Variants in ASXL3 observed in about 807,000 individuals in gnomAD.
The protein encoded by ASXL3 is putative Polycomb group protein ASXL3.
ASXL3 carries 34 observed loss-of-function variants against 170.6 expected under a neutral mutation model. The observed-to-expected ratio is 0.20, with a 90% CI of 0.15 to 0.27. The LOEUF is 0.27. ASXL3 is among the 10% of genes least tolerant of loss of function. The probability of loss-of-function intolerance (pLI) is 1.00; values close to 1 mark genes in which losing one functional copy is unlikely to be tolerated. For missense variants in ASXL3, 2,592 were observed against 2,695.3 expected (o/e 0.96, Z 0.85); for synonymous variants, 1,002 against 989.1 (o/e 1.01, Z -0.24).
At chr18:33,590,111 G>GTTTTTTTTTTTGTTTT (rs2065064686) in intron 1 of ASXL3, among the ~76,000 whole-genome samples, 2 of 83,182 alleles carry the variant, frequency 2.4e-5, no homozygotes, top group Admixed American at 1.2e-4. Flanking sequence ...TGCTTTCTAT[G>GTTTTTTTTTTTGTTTT]TTTTTTTTTT....
chr18:33,670,653 C>T lies in ASXL3; in HGVS notation c.478-20C>T, dbSNP rs747689671. The T allele has an allele frequency of 6.7e-7, 1 of 1,486,130 alleles. No homozygotes were observed. The highest frequency in any genetic ancestry group is 9.1e-7 in the Non-Finnish European group (1 of 1,101,608). The allele number at this position is 1,486,130 out of a possible 1,614,324, so 92.1% of individuals were successfully genotyped here. On this transcript the variant is annotated intron_variant, in intron 5 of 11. Coordinates refer to ENST00000269197, the MANE Select transcript of ASXL3 (RefSeq NM_030632.3). ...TTTTGGCTATATTTTTATGTTATAT[C>T]TTTTTATTATGTTTTGTAGGCTTTG... is the stretch of plus-strand genomic sequence containing the variant.
rs1178201910 is a variant in ASXL3 at position 33,745,558 on chromosome 18, T to C, written c.5710T>C (p.Cys1904Arg). 1 of 1,613,968 alleles carries C rather than the reference T, an allele frequency of 6.2e-7. No homozygotes were observed. The highest frequency in any genetic ancestry group is 8.5e-7 in the Non-Finnish European group (1 of 1,179,884). The change falls in exon 12 of 12, where the codon TGT becomes CGT. Residue 1904 changes from cysteine (C) to arginine (R), a missense_variant. This residue lies in a region of ASXL3 where 2,246 missense variants were observed against 2,219.6 expected (regional missense o/e 1.01). Coordinates refer to ENST00000269197, the MANE Select transcript of ASXL3 (RefSeq NM_030632.3). Reference protein sequence around the residue: ...VKQQKRLLPSCSFQQNLFHVD... With the variant: ...VKQQKRLLPSRSFQQNLFHVD... ...ACAGCAAAAGCGGCTGCTCCCCTCG[T>C]GTAGCTTCCAGCAGAACCTATTTCA...
chr18:33,714,605 A>G (rs2067133596), intron 8 of ASXL3, among the ~76,000 whole-genome samples: 1 of 152,154 alleles, frequency 6.6e-6, no homozygotes, highest in African/African-American at 2.4e-5. Flanking sequence ...CGTATTTCCC[A>G]TAAGAAGCAA....
At chr18:33,656,654 T>A (rs929432441) in intron 4 of ASXL3, among the ~76,000 whole-genome samples, 6 of 152,050 alleles carry the variant, frequency 3.9e-5, no homozygotes, top group Non-Finnish European at 5.9e-5. Context: ...AATAAGACAA[T>A]GAGTAAAGAT....
rs1555717840 is a variant in ASXL3, at chr18:33,601,785, G to GTATATATATATATA, written c.55-5799_55-5798insTATATATATATATA. On this transcript the variant is annotated intron_variant, in intron 1 of 11. Coordinates refer to ENST00000269197, the MANE Select transcript of ASXL3 (RefSeq NM_030632.3). Reference sequence around the variant, plus strand: ...TGAGAATTTAAGTAAATATCTGATTGTATATATATAGTTTGTTTGTTTTGA... The same window carrying GTATATATATATATA: ...TGAGAATTTAAGTAAATATCTGATTGTATATATATATATATATATATATAGTTTGTTTGTTTTGA... Among the ~76,000 whole-genome samples the GTATATATATATATA allele has an allele frequency of 5.2e-4, 54 of 103,948 alleles. 5 individuals carry two copies. Among genetic ancestry groups the GTATATATATATATA allele is most frequent in the African/African-American group, 1.5e-3 (43 of 28,860 alleles). 68.2% of individuals were successfully genotyped at this position (103,948 alleles called of 152,430 possible). A position where few individuals can be genotyped will look rare whatever the true frequency, so the allele number is the denominator to read the frequency against.
Position 33,670,869 on chromosome 18 carries a change from T to C in ASXL3, c.595+79T>C. On this transcript the variant is annotated intron_variant, in intron 6 of 11. Transcript: ENST00000269197. ...CTCACTGAAAGAGATGTCATGATTT[T>C]TTTTCTGAAACTGAATAATACTTCC... 9.4e-6 allele frequency: 9 copies of C among 953,218 alleles called. No individual in the cohort carries two copies. In the South Asian group the frequency reaches 2.0e-4, roughly 21 times the overall value. 59.0% of individuals were successfully genotyped at this position (953,218 alleles called of 1,614,324 possible).
intron 2 of ASXL3, among the ~76,000 whole-genome samples, chr18:33,619,663 A>G (rs1199431694): frequency 6.6e-6 from 1 of 152,114 alleles, no homozygotes; most frequent in Admixed American, 6.6e-5. Flanking sequence ...GGAGAACTAA[A>G]GACTTCATGA....
rs1235057787 is a variant in ASXL3 at position 33,746,273 on chromosome 18, T to C, written c.6425T>C (p.Met2142Thr). The change falls in exon 12 of 12, where the codon ATG becomes ACG. Residue 2142 changes from methionine to threonine, a missense_variant. Transcript: ENST00000269197. ...TTTACCCAATTAGCTGCTCAGAAAA[T>C]GCAGGTGCAGCAACAACAGCAGCTC... The part of the protein sequence containing the change: ...KPFTQLAAQK[M>T]QVQQQQQLCG... The C allele has an allele frequency of 1.9e-6, 3 of 1,613,900 alleles. No homozygotes were observed. The Admixed American group carries it at 5.0e-5, about 27-fold the overall frequency.
At chr18:33,626,495 T>A (rs2065605917) in intron 2 of ASXL3, 1 of 151,906 alleles carries the variant, frequency 6.6e-6, no homozygotes, top group Non-Finnish European at 1.5e-5. Context: ...TAATCTGGCA[T>A]TGCTATTCTA....
At chr18:33,689,062 C>A (rs1228131262) in intron 8 of ASXL3, among the ~76,000 whole-genome samples, 1 of 151,690 alleles carries the variant, frequency 6.6e-6, no homozygotes, top group African/African-American at 2.4e-5. Context: ...GGCGTGATCT[C>A]CGCTCACAGC....
intron 2 of ASXL3, among the ~76,000 whole-genome samples, chr18:33,623,776 T>C (rs1018488388): frequency 2.0e-5 from 3 of 152,192 alleles, no homozygotes; most frequent in African/African-American, 7.2e-5. Flanking sequence ...GGAGTCTAGT[T>C]AGTGTTCTTT....
Position 33,646,329 on chromosome 18 carries a change from A to G in ASXL3, c.331A>G (p.Asn111Asp), listed in dbSNP as rs2065912861. ...ELDGTDMAEA[N>D]AHGEENGVCS... ...GGATGGTACAGATATGGCCGAGGCA[A>G]ATGCCCATGGAGAAGAAAATGGAGG... The change falls in exon 4 of 12, where the codon AAT (asparagine) becomes GAT (aspartate). Residue 111 changes from asparagine to aspartate, a missense_variant. Coordinates refer to ENST00000269197, the MANE Select transcript of ASXL3 (RefSeq NM_030632.3). The G allele has an allele frequency of 6.2e-7, 1 of 1,610,224 alleles. No homozygotes were observed. The highest frequency in any genetic ancestry group is 8.5e-7 in the Non-Finnish European group (1 of 1,177,472).
chr18:33,642,694 T>C (rs1375384743), intron 2 of ASXL3, among the ~76,000 whole-genome samples: 1 of 151,986 alleles, frequency 6.6e-6, no homozygotes, highest in African/African-American at 2.4e-5. Flanking sequence ...AATTTAATAA[T>C]ATATTCATGC....
chr18:33,606,201 C>T (rs993847603), intron 1 of ASXL3, among the ~76,000 whole-genome samples: 2 of 151,922 alleles, frequency 1.3e-5, no homozygotes, highest in Admixed American at 1.3e-4. Context: ...TCTGTTTCCC[C>T]TTTTCGAGTG....
At chr18:33,595,108 G>A (rs370691769) in intron 1 of ASXL3, among the ~76,000 whole-genome samples, 3 of 152,076 alleles carry the variant, frequency 2.0e-5, no homozygotes, top group South Asian at 2.1e-4. Flanking sequence ...TAAAATGTTA[G>A]TCCTATTTTT....
At chr18:33,679,895 A>G (rs1375818262) in intron 7 of ASXL3, among the ~76,000 whole-genome samples, 5 of 152,030 alleles carry the variant, frequency 3.3e-5, no homozygotes, top group Non-Finnish European at 5.9e-5. Flanking sequence ...ACATTTGTTT[A>G]TACCATCTCA....
intron 8 of ASXL3, among the ~76,000 whole-genome samples, chr18:33,721,503 A>G (rs1342579900): frequency 6.6e-6 from 1 of 152,144 alleles, no homozygotes; most frequent in African/African-American, 2.4e-5. Context: ...AGAGATGTAC[A>G]TACATACACA....
chr18:33,626,834 A>G (rs937232501), intron 2 of ASXL3: 16 of 152,698 alleles, frequency 1.0e-4, no homozygotes, highest in African/African-American at 3.9e-4. Context: ...GAGTTTTACT[A>G]TATATACACA....
intron 8 of ASXL3, among the ~76,000 whole-genome samples, chr18:33,717,100 C>T (rs534198186): frequency 4.6e-5 from 7 of 152,112 alleles, no homozygotes; most frequent in Admixed American, 1.3e-4. Flanking sequence ...GCTTTGGCTC[C>T]GACACTGATC....
Sources: gnomAD v4.1 joint callset for allele counts (sites outside exome capture counted in the v4.1 genomes callset) on GRCh38, gnomAD v4.1.1 for gene constraint, gnomAD v4.1.1 regional missense constraint, MANE v1.5 for transcripts, NCBI Gene and HGNC (gene_info 2026-07-23, HGNC 2026-07-21) for gene names.